Variants in TMEM266 observed in about 807,000 individuals in gnomAD.
TMEM266 encodes the protein transmembrane protein 266.
Under a neutral mutation model 50.5 loss-of-function variants are expected in TMEM266, and 33 were observed. That is an observed-to-expected ratio of 0.65 (90% confidence interval 0.50 to 0.87). TMEM266 has a LOEUF of 0.87. Among genes scored for constraint, TMEM266 ranks in the 40% least tolerant of loss-of-function variants. The probability of loss-of-function intolerance (pLI) is 0.00; values close to 1 mark genes in which losing one functional copy is unlikely to be tolerated. For missense variants in TMEM266, 655 were observed against 695.1 expected (o/e 0.94, Z 0.65); for synonymous variants, 310 against 292.3 (o/e 1.06, Z -0.62).
rs186630275 is a variant in TMEM266 at position 76,077,689 on chromosome 15, C to T, written c.-97+17673C>T. On this transcript the variant is annotated intron_variant, in intron 1 of 10. Coordinates refer to ENST00000388942, the MANE Select transcript of TMEM266 (RefSeq NM_152335.3). ...GGATACAGAGACTGGATTGATGAAA[C>T]TACAAGCCAAGGAGTTCCTGGAGTG... Among the ~76,000 whole-genome samples the T allele has an allele frequency of 2.0e-3, 302 of 152,108 alleles. 6 individuals carry two copies. The highest frequency in any genetic ancestry group is 6.9e-3 in the African/African-American group (286 of 41,406).
At position 76,191,650 on chromosome 15, in the gene TMEM266, G is replaced by A. The variant is rs925499183; in HGVS notation, c.769-318G>A. The A allele has an allele frequency of 2.1e-5, 6 of 285,266 alleles. No individual in the cohort carries two copies. The Admixed American group carries it at 2.7e-4, about 13-fold the overall frequency. 17.7% of individuals were successfully genotyped at this position (285,266 alleles called of 1,614,324 possible). A position where few individuals can be genotyped will look rare whatever the true frequency, so the allele number is the denominator to read the frequency against. Reference sequence around the variant, plus strand: ...GAGCTAGAACTGAATTTGCACCCAGGGCTCCTGACTCCCCGTCCAGTGGCC... The same window carrying A: ...GAGCTAGAACTGAATTTGCACCCAGAGCTCCTGACTCCCCGTCCAGTGGCC... On this transcript the variant is annotated intron_variant, in intron 8 of 10. Transcript: ENST00000388942.
At chr15:76,127,490 C>CT (rs2037441783) in intron 1 of TMEM266, among the ~76,000 whole-genome samples, 2 of 152,060 alleles carry the variant, frequency 1.3e-5, no homozygotes, top group African/African-American at 4.8e-5. Flanking sequence ...CCACACCCAG[C>CT]TAATTTTTGT....
intron 3 of TMEM266, among the ~76,000 whole-genome samples, chr15:76,146,809 C>T (rs932782382): frequency 6.6e-6 from 1 of 152,192 alleles, no homozygotes; most frequent in Admixed American, 6.5e-5. Flanking sequence ...CTAACCCCAC[C>T]AGGCTAGGTC....
At chr15:76,179,056 G>A (rs2038350414) in intron 8 of TMEM266, among the ~76,000 whole-genome samples, 1 of 151,968 alleles carries the variant, frequency 6.6e-6, no homozygotes, top group African/African-American at 2.4e-5. Context: ...TACCCTGGAG[G>A]AAATGAGACT....
At chr15:76,064,750 A>C (rs1236172530) in intron 1 of TMEM266, among the ~76,000 whole-genome samples, 2 of 152,202 alleles carry the variant, frequency 1.3e-5, no homozygotes, top group African/African-American at 4.8e-5. Context: ...TAAAACAAGG[A>C]ATTTTAATAA....
chr15:76,192,363 C>A (rs117033177), intron 9 of TMEM266, among the ~76,000 whole-genome samples: 1 of 150,554 alleles, frequency 6.6e-6, no homozygotes, highest in African/African-American at 2.5e-5. Context: ...GTCCAGCCAC[C>A]GACCCAAACT....
intron 1 of TMEM266, among the ~76,000 whole-genome samples, chr15:76,097,184 A>C (rs908747081): frequency 6.6e-6 from 1 of 151,946 alleles, no homozygotes; most frequent in Non-Finnish European, 1.5e-5. Context: ...TTTGCCCGTC[A>C]ATTGATGCAG....
intron 1 of TMEM266, among the ~76,000 whole-genome samples, chr15:76,105,519 GT>G (rs1320602522): frequency 2.0e-5 from 3 of 152,190 alleles, no homozygotes; most frequent in Non-Finnish European, 4.4e-5. Flanking sequence ...AATACTTTAG[GT>G]TTTCTGGGAC....
chr15:76,175,712 G>T, intron 8 of TMEM266, 38 bp downstream of exon 8: 1 of 1,538,980 alleles, frequency 6.5e-7, no homozygotes, highest in Non-Finnish European at 9.0e-7. Flanking sequence ...CCGTGGTCTT[G>T]CTGGGGACAC....
chr15:76,108,704 T>C (rs1596109358), intron 1 of TMEM266, among the ~76,000 whole-genome samples: 1 of 152,154 alleles, frequency 6.6e-6, no homozygotes, highest in Admixed American at 6.5e-5. Flanking sequence ...AGGGTAGCAG[T>C]TTAGCATTGA....
intron 1 of TMEM266, among the ~76,000 whole-genome samples, chr15:76,066,980 A>AC (rs1042525875): frequency 5.3e-5 from 8 of 151,804 alleles, no homozygotes; most frequent in African/African-American, 1.9e-4. Flanking sequence ...TACCGCGATT[A>AC]CCCCCCGTCC....
At chr15:76,192,973 T>G (rs1369135886) in intron 9 of TMEM266, among the ~76,000 whole-genome samples, 2 of 152,344 alleles carry the variant, frequency 1.3e-5, no homozygotes, top group East Asian at 3.9e-4. Flanking sequence ...GGAGCCACTC[T>G]GCCTTGGCAT....
At chr15:76,125,672 A>G (rs2037409789) in intron 1 of TMEM266, among the ~76,000 whole-genome samples, 1 of 151,982 alleles carries the variant, frequency 6.6e-6, no homozygotes, top group East Asian at 1.9e-4. Flanking sequence ...ACATGGCGAA[A>G]CCCCATCTCT....
At chr15:76,107,350 TG>T (rs1206414116) in intron 1 of TMEM266, among the ~76,000 whole-genome samples, 6 of 152,228 alleles carry the variant, frequency 3.9e-5, no homozygotes, top group African/African-American at 1.4e-4. Flanking sequence ...CGTGGCTCGT[TG>T]CCCTCATACC....
At chr15:76,144,977 T>C (rs2037735475) in intron 3 of TMEM266, among the ~76,000 whole-genome samples, 1 of 152,136 alleles carries the variant, frequency 6.6e-6, no homozygotes, top group African/African-American at 2.4e-5. Context: ...TCTGCACCAT[T>C]CTCATGAAGG....
Position 76,161,812 on chromosome 15 carries a change from G to A in TMEM266, c.456+1644G>A, listed in dbSNP as rs1409623097. On this transcript the variant is annotated intron_variant, in intron 5 of 10. Transcript: ENST00000388942. The surrounding 1 kb of genome is among the most constrained non-coding windows in gnomAD (Gnocchi z 4.1). ...TTGCCCTCCCTGGCCTCTTGTCTCT[G>A]CCCGGCCAGGATTCCCTCCCGCAAA... Among the ~76,000 whole-genome samples, 3 of 152,184 alleles carry A rather than the reference G, an allele frequency of 2.0e-5. No homozygotes were observed. Among genetic ancestry groups the A allele is most frequent in the African/African-American group, 4.8e-5 (2 of 41,442 alleles).
intron 9 of TMEM266, 145 bp downstream of exon 9, chr15:76,192,302 T>C (rs1567183210): frequency 1.3e-6 from 1 of 759,922 alleles, no homozygotes; most frequent in Non-Finnish European, 1.9e-6. Context: ...GGGGACACGC[T>C]CAGATCAGTA....
At chr15:76,140,748 AC>A in intron 3 of TMEM266, among the ~76,000 whole-genome samples, 1 of 152,024 alleles carries the variant, frequency 6.6e-6, no homozygotes, top group African/African-American at 2.4e-5. Context: ...AGTGACAGAG[AC>A]GGGGGCGGGG....
intron 5 of TMEM266, among the ~76,000 whole-genome samples, chr15:76,164,683 GT>G (rs2038066222): frequency 1.3e-5 from 2 of 152,228 alleles, no homozygotes; most frequent in South Asian, 4.1e-4. Flanking sequence ...TCTTAAGGAA[GT>G]GCCAGGGGTC....
Sources: gnomAD v4.1 joint callset for allele counts (sites outside exome capture counted in the v4.1 genomes callset) on GRCh38, gnomAD v4.1.1 for gene constraint, Gnocchi (gnomAD v3.1) non-coding constraint, MANE v1.5 for transcripts, NCBI Gene and HGNC (gene_info 2026-07-23, HGNC 2026-07-21) for gene names.